ST6GALNAC3: variants seen among roughly 807,000 people sequenced by gnomAD.
ST6GALNAC3 encodes ST6 N-acetylgalactosaminide alpha-2,6-sialyltransferase 3, also known as alpha-N-acetylgalactosaminide alpha-2,6-sialyltransferase 3.
Under a neutral mutation model 32.7 loss-of-function variants are expected in ST6GALNAC3, and 25 were observed. The ratio of observed to expected loss-of-function variants is 0.76; its 90% CI spans 0.56 to 1.07. The LOEUF (loss-of-function observed/expected upper bound fraction) is 1.07, where lower values mean the gene tolerates loss of function less well. ST6GALNAC3 is among the 50% of genes least tolerant of loss of function. ST6GALNAC3 has a pLI of 0.00. For missense variants in ST6GALNAC3, 355 were observed against 382.4 expected, an observed-to-expected ratio of 0.93 and a Z score of 0.60; for synonymous variants, 129 against 133.1, an observed-to-expected ratio of 0.97 and a Z score of 0.21.
At chr1:76,078,572 T>C (rs1236246913) in intron 1 of ST6GALNAC3, among the ~76,000 whole-genome samples, 1 of 152,240 alleles carries the variant, frequency 6.6e-6, no homozygotes, top group African/African-American at 2.4e-5. Context: ...TTGATTTCAC[T>C]ACCTCAGTTT....
intron 2 of ST6GALNAC3, among the ~76,000 whole-genome samples, chr1:76,361,672 A>T (rs1156531357): frequency 6.6e-6 from 1 of 152,134 alleles, no homozygotes; most frequent in Non-Finnish European, 1.5e-5. Flanking sequence ...GTACATTCTC[A>T]TACTGCTATA....
intron 1 of ST6GALNAC3, among the ~76,000 whole-genome samples, chr1:76,123,708 G>A (rs1226529515): frequency 6.7e-6 from 1 of 149,774 alleles, no homozygotes; most frequent in Non-Finnish European, 1.5e-5. Context: ...GTAAACACAA[G>A]TAGTTCTTAG....
At chr1:76,418,645 A>G (rs1251682119) in intron 3 of ST6GALNAC3, among the ~76,000 whole-genome samples, 2 of 152,092 alleles carry the variant, frequency 1.3e-5, no homozygotes, top group East Asian at 1.9e-4. Context: ...TTGCAAATAT[A>G]AGTATCTCAG....
intron 3 of ST6GALNAC3, among the ~76,000 whole-genome samples, chr1:76,549,625 A>G (rs1325394106): frequency 6.6e-6 from 1 of 152,190 alleles, no homozygotes; most frequent in East Asian, 1.9e-4. Flanking sequence ...CCCCTGTAAT[A>G]GGTAATGCCA....
At chr1:76,219,370 G>T (rs567310731) in intron 1 of ST6GALNAC3, among the ~76,000 whole-genome samples, 1 of 152,172 alleles carries the variant, frequency 6.6e-6, no homozygotes, top group East Asian at 1.9e-4. Flanking sequence ...AATGAAGCCT[G>T]AAGTATTGAG....
intron 2 of ST6GALNAC3, among the ~76,000 whole-genome samples, chr1:76,377,306 G>C (rs977592679): frequency 5.3e-5 from 8 of 152,124 alleles, no homozygotes; most frequent in Non-Finnish European, 1.2e-4. Flanking sequence ...TCACATTGCT[G>C]TAAAGAACTA....
At chr1:76,335,880 T>C (rs1485173800) in intron 2 of ST6GALNAC3, among the ~76,000 whole-genome samples, 1 of 152,238 alleles carries the variant, frequency 6.6e-6, no homozygotes, top group African/African-American at 2.4e-5. Flanking sequence ...CAAAAATTAT[T>C]AATTTTATTG....
chr1:76,505,339 G>T (rs1045658779), intron 3 of ST6GALNAC3, among the ~76,000 whole-genome samples: 5 of 152,066 alleles, frequency 3.3e-5, no homozygotes, highest in Non-Finnish European at 7.4e-5. Flanking sequence ...GGCCAGGATG[G>T]TCTCGATCTC....
rs537522694 is a variant in ST6GALNAC3, at chr1:76,393,088, T to C, written c.214-18920T>C. On this transcript the variant is annotated intron_variant, in intron 2 of 4. Transcript: ENST00000328299. The stretch of plus-strand genomic sequence containing the variant: ...AAAGAACTACAAATAACGCTTTGTA[T>C]TTTTAGAACAGTCTTCCTAACACCC... 3.3e-5 allele frequency among the ~76,000 whole-genome samples: 5 copies of C among 152,342 alleles called. No homozygotes were observed. The South Asian group carries it at 1.0e-3, about 32-fold the overall frequency.
chr1:76,458,882 A>G, intron 3 of ST6GALNAC3, among the ~76,000 whole-genome samples: 1 of 152,092 alleles, frequency 6.6e-6, no homozygotes, highest in African/African-American at 2.4e-5. Context: ...CTTAAAGTAT[A>G]ACAATAATAA....
At chr1:76,122,721 A>G (rs1648962414) in intron 1 of ST6GALNAC3, among the ~76,000 whole-genome samples, 1 of 152,154 alleles carries the variant, frequency 6.6e-6, no homozygotes, top group Admixed American at 6.5e-5. Flanking sequence ...TGTTCACTGG[A>G]CCACAAGGCA....
chr1:76,229,419 T>C (rs936099386), intron 1 of ST6GALNAC3, among the ~76,000 whole-genome samples: 4 of 152,130 alleles, frequency 2.6e-5, no homozygotes, highest in Non-Finnish European at 5.9e-5. Flanking sequence ...CCTGCACCCA[T>C]AACCTTTAAT....
At chr1:76,486,731 G>A (rs1057133772) in intron 3 of ST6GALNAC3, among the ~76,000 whole-genome samples, 10 of 152,080 alleles carry the variant, frequency 6.6e-5, no homozygotes, top group African/African-American at 2.2e-4. Flanking sequence ...TTACATTTAA[G>A]GTTAATATTG....
intron 3 of ST6GALNAC3, among the ~76,000 whole-genome samples, chr1:76,598,911 TCTAA>T (rs1317342106): frequency 1.3e-5 from 2 of 152,188 alleles, no homozygotes; most frequent in Admixed American, 1.3e-4. Flanking sequence ...TCTAAACATG[TCTAA>T]CTAATTCTCA....
intron 1 of ST6GALNAC3, among the ~76,000 whole-genome samples, chr1:76,224,630 T>A (rs1012479233): frequency 6.6e-6 from 1 of 152,222 alleles, no homozygotes; most frequent in African/African-American, 2.4e-5. Flanking sequence ...TTCTAAGTTT[T>A]ATGAAACAAA....
At chr1:76,470,496 G>A (rs1160371151) in intron 3 of ST6GALNAC3, among the ~76,000 whole-genome samples, 3 of 152,040 alleles carry the variant, frequency 2.0e-5, no homozygotes, top group African/African-American at 7.2e-5. Context: ...TTTATCAGGT[G>A]GGTTCCTTTT....
chr1:76,131,023 AGG>A (rs1649573463), intron 1 of ST6GALNAC3, among the ~76,000 whole-genome samples: 1 of 152,194 alleles, frequency 6.6e-6, no homozygotes, highest in Admixed American at 6.5e-5. Context: ...CACCTTGACA[AGG>A]GGGCCAGAAG....
intron 3 of ST6GALNAC3, among the ~76,000 whole-genome samples, chr1:76,508,314 C>T (rs868616189): frequency 1.3e-5 from 2 of 152,096 alleles, no homozygotes; most frequent in African/African-American, 2.4e-5. Flanking sequence ...CAGTAATGCT[C>T]GCTTGCCCAC....
chr1:76,107,461 G>A (rs1557619128), intron 1 of ST6GALNAC3, among the ~76,000 whole-genome samples: 1 of 152,186 alleles, frequency 6.6e-6, no homozygotes. Context: ...TGGTCTGATT[G>A]TCAAAGTTGT....
Sources: allele counts gnomAD v4.1 joint callset (sites outside exome capture counted in the v4.1 genomes callset), GRCh38; gene constraint gnomAD v4.1.1; transcripts MANE v1.5; gene names NCBI Gene and HGNC (gene_info 2026-07-23, HGNC 2026-07-21).